Variants in PNPLA6 observed in about 807,000 individuals in gnomAD.
PNPLA6 encodes patatin like domain 6, lysophospholipase, also known as patatin-like phospholipase domain-containing protein 6.
A neutral mutation model predicts 153.7 loss-of-function variants in PNPLA6; 105 were observed. The observed-to-expected ratio is 0.68, with a 90% CI of 0.58 to 0.80. PNPLA6 has a LOEUF of 0.80. Among genes scored for constraint, PNPLA6 ranks in the 30% least tolerant of loss-of-function variants. The pLI, the probability that PNPLA6 is intolerant of heterozygous loss-of-function variation, is 0.00. For synonymous variants in PNPLA6, 825 were observed against 822.2 expected, an observed-to-expected ratio of 1.00 and a Z score of -0.06; for missense variants, 1,423 against 1,919.3, an observed-to-expected ratio of 0.74 and a Z score of 4.83.
At position 7,555,107 on chromosome 19, in the gene PNPLA6, G is replaced by C. The variant is rs1186635075; in HGVS notation, c.2817+32G>C. The stretch of plus-strand genomic sequence containing the variant: ...AGCGGGCCGGCCCCCACCTTCTAGG[G>C]GCGTGGCTGGTGGGCGAGGCTTGGG... On this transcript the variant is annotated intron_variant, in intron 22 of 31. Coordinates refer to ENST00000600737, the MANE Select transcript of PNPLA6 (RefSeq NM_001166114.2). The surrounding 1 kb of genome is among the most constrained non-coding windows in gnomAD (Gnocchi z 6.3). The C allele has an allele frequency of 6.3e-7, 1 of 1,584,930 alleles. No homozygotes were observed. Among genetic ancestry groups the C allele is most frequent in the Admixed American group, 1.7e-5 (1 of 57,630 alleles).
chr19:7,539,788 A>G (rs1599270946), intron 3 of PNPLA6, 130 bp from the exon 4 acceptor site: 1 of 497,084 alleles, frequency 2.0e-6, no homozygotes, highest in Non-Finnish European at 3.6e-6. Flanking sequence ...AAAGGTGGCC[A>G]GCCTGATTTG....
chr19:7,535,820 A>C lies in PNPLA6; in HGVS notation c.32A>C (p.Asn11Thr), dbSNP rs749218773. 2.0e-6 allele frequency: 3 copies of C among 1,536,594 alleles called. No homozygotes were observed. In the African/African-American group the frequency reaches 4.1e-5, roughly 21 times the overall value. ...ACATCGAGTCACGGGCTGGCTACGAACTCCTCGGGGGCGAAGGTGGCGGAG... is the reference window on the plus strand; with the variant it reads ...ACATCGAGTCACGGGCTGGCTACGACCTCCTCGGGGGCGAAGGTGGCGGAG... MGTSSHGLAT[N>T]SSGAKVAERD... Residue 11 changes from asparagine to threonine, a missense_variant, in exon 1 of 32, where the codon AAC becomes ACC. Coordinates refer to ENST00000600737, the MANE Select transcript of PNPLA6 (RefSeq NM_001166114.2). This position sits in a 1 kb window ranked among gnomAD's most constrained non-coding sequence, Gnocchi z 5.0.
intron 18 of PNPLA6, 45 bp downstream of exon 18, chr19:7,551,482 C>T (rs2146091821): frequency 6.7e-7 from 1 of 1,491,428 alleles, no homozygotes; most frequent in African/African-American, 1.4e-5. Flanking sequence ...TGTAGTCCGG[C>T]GTCCAGAGCA....
In PNPLA6 at chr19:7,541,698, C is replaced by G; in HGVS notation, c.1168+14C>G. 6.4e-7 allele frequency: 1 copy of G among 1,556,692 alleles called. No homozygotes were observed. The highest frequency in any genetic ancestry group is 8.7e-7 in the Non-Finnish European group (1 of 1,155,028). ...CTGGACCTACAGGTACCCAGGGACC[C>G]GAGGCCAGCCGAGCCCAATCTCCCA... On this transcript the variant is annotated intron_variant, in intron 9 of 31. Coordinates refer to ENST00000600737, the MANE Select transcript of PNPLA6 (RefSeq NM_001166114.2). The surrounding 1 kb of genome is among the most constrained non-coding windows in gnomAD (Gnocchi z 5.2).
rs184116473 is a variant in PNPLA6, at chr19:7,543,595, G to A, written c.1608+511G>A. Among the ~76,000 whole-genome samples the A allele has an allele frequency of 5.3e-5, 8 of 152,248 alleles. No homozygotes were observed. The East Asian group carries it at 1.5e-3, about 29-fold the overall frequency. On this transcript the variant is annotated intron_variant, in intron 13 of 31. Transcript: ENST00000600737. ...TGTCCACTGTCCATATGGGGAAACT[G>A]AGGCCCATCAAGGGTTAGTGACCCG...
rs1354212753 is a variant in PNPLA6 at position 7,553,958 on chromosome 19, G to A, written c.2344G>A (p.Ala782Thr). The change falls in exon 19 of 32, where the codon GCT becomes ACT. Residue 782 changes from alanine to threonine, a missense_variant. By Grantham distance (58) the Ala-to-Thr change is moderately conservative. Coordinates refer to ENST00000600737, the MANE Select transcript of PNPLA6 (RefSeq NM_001166114.2). ...AACTGTGGCAATCCTGCCTGTGTGT[G>A]CTGAGGTCCCCATGGTGGCCTTCAC... is the stretch of plus-strand genomic sequence containing the variant. ...LATVAILPVC[A>T]EVPMVAFTLE... 1.5e-5 allele frequency: 25 copies of A among 1,614,070 alleles called. No homozygotes were observed. The highest frequency in any genetic ancestry group is 2.0e-5 in the Non-Finnish European group (24 of 1,180,042).
Position 7,541,580 on chromosome 19 carries a change from T to C in PNPLA6, c.1064T>C (p.Val355Ala). The change falls in exon 9 of 32, where the codon GTG (valine) becomes GCG (alanine). Residue 355 changes from valine to alanine, a missense_variant. Coordinates refer to ENST00000600737, the MANE Select transcript of PNPLA6 (RefSeq NM_001166114.2). The surrounding 1 kb of genome is among the most constrained non-coding windows in gnomAD (Gnocchi z 5.2). ...SPGLPTRTSP[V>A]RGSKRMVSTS... Reference sequence around the variant, plus strand: ...GGCCTCCCAACTCGCACCAGCCCTGTGCGGGGCTCCAAGAGAATGGTCAGC... The same window carrying C: ...GGCCTCCCAACTCGCACCAGCCCTGCGCGGGGCTCCAAGAGAATGGTCAGC... 6.3e-7 allele frequency: 1 copy of C among 1,597,168 alleles called. No homozygotes were observed. Among genetic ancestry groups the C allele is most frequent in the East Asian group, 2.3e-5 (1 of 43,930 alleles).
At chr19:7,561,407 C>T in intron 31 of PNPLA6, 81 bp from the exon 32 acceptor site, 1 of 1,431,804 alleles carries the variant, frequency 7.0e-7, no homozygotes, top group South Asian at 1.2e-5. Context: ...TATTTGAGAT[C>T]CTGTGTGTGC....
intron 13 of PNPLA6, 43 bp from the exon 14 acceptor site, chr19:7,549,864 C>A: frequency 1.9e-6 from 3 of 1,588,384 alleles, no homozygotes; most frequent in Non-Finnish European, 2.6e-6. Flanking sequence ...CTGGGGTCCA[C>A]GCTGTCCGGG....
In PNPLA6 at chr19:7,536,237, C is replaced by G; in HGVS notation, c.279C>G (p.Asp93Glu). The change falls in exon 2 of 32, where the codon GAC becomes GAG. Residue 93 changes from aspartate (D) to glutamate (E), a missense_variant. Around this residue, in one of 10 missense-constraint regions of PNPLA6, gnomAD observed 74 missense variants for 171.3 expected, o/e 0.43. Coordinates refer to ENST00000600737, the MANE Select transcript of PNPLA6 (RefSeq NM_001166114.2). ...CCCGGTATCGGTTCCGGAAGAGGGA[C>G]AAAGTGCTCTTCTATGGCCGGAAGA... Reference protein sequence around the residue: ...DGPRYRFRKRDKVLFYGRKIM... With the variant: ...DGPRYRFRKREKVLFYGRKIM... 6.2e-7 allele frequency: 1 copy of G among 1,613,922 alleles called. No homozygotes were observed. The highest frequency in any genetic ancestry group is 8.5e-7 in the Non-Finnish European group (1 of 1,179,894).
intron 13 of PNPLA6, 94 bp from the exon 14 acceptor site, chr19:7,549,813 T>G: frequency 3.2e-6 from 4 of 1,252,660 alleles, no homozygotes; most frequent in Non-Finnish European, 4.6e-6. Context: ...AACCCTTCCT[T>G]TCTTCTTTAA....
chr19:7,549,277 C>T, intron 13 of PNPLA6, among the ~76,000 whole-genome samples: 1 of 146,176 alleles, frequency 6.8e-6, no homozygotes, highest in South Asian at 2.2e-4. Flanking sequence ...AGCTCCGCCT[C>T]CCGGTTTCAC....
At position 7,540,496 on chromosome 19, in the gene PNPLA6, C is replaced by T. The variant is rs1225471239; in HGVS notation, c.715-134C>T. 2 of 982,308 alleles carry T rather than the reference C, an allele frequency of 2.0e-6. No individual in the cohort carries two copies. The highest frequency in any genetic ancestry group is 3.2e-6 in the Non-Finnish European group (2 of 623,540). The allele number at this position is 982,308 out of a possible 1,614,324, so 60.8% of individuals were successfully genotyped here. A position where few individuals can be genotyped will look rare whatever the true frequency, so the allele number is the denominator to read the frequency against. On this transcript the variant is annotated intron_variant, in intron 5 of 31. Transcript: ENST00000600737. This position sits in a 1 kb window ranked among gnomAD's most constrained non-coding sequence, Gnocchi z 6.8. The stretch of plus-strand genomic sequence containing the variant: ...ACAAGTATTGAACGATGGGAGATGC[C>T]TGCTCGTTGGAAGGGTTGGTGGGTT...
chr19:7,559,785 A>G (rs2024026484), intron 28 of PNPLA6, among the ~76,000 whole-genome samples: 1 of 151,974 alleles, frequency 6.6e-6, no homozygotes, highest in Non-Finnish European at 1.5e-5. Context: ...TTGAAGCTGC[A>G]GTGAGCTATG....
intron 28 of PNPLA6, among the ~76,000 whole-genome samples, chr19:7,559,628 C>T (rs1190505215): frequency 6.6e-6 from 1 of 151,298 alleles, no homozygotes; most frequent in Non-Finnish European, 1.5e-5. Flanking sequence ...TGCTTGAAAC[C>T]AGGAGTTCAA....
upstream of PNPLA6, chr19:7,535,375 C>T (rs371435874): frequency 2.7e-6 from 2 of 728,870 alleles, no homozygotes; most frequent in African/African-American, 1.7e-5. This position sits in a 1 kb window ranked among gnomAD's most constrained non-coding sequence, Gnocchi z 5.0. Context: ...TCTAGCCTCG[C>T]CCCTGGCAGC....
intron 13 of PNPLA6, 98 bp downstream of exon 13, chr19:7,543,182 C>T: frequency 9.5e-7 from 1 of 1,052,554 alleles, no homozygotes; most frequent in Non-Finnish European, 1.5e-6. Context: ...AGACCAGCAC[C>T]TTCTCCCATA....
intron 26 of PNPLA6, chr19:7,556,955 C>T: frequency 1.4e-6 from 1 of 693,308 alleles, no homozygotes; most frequent in Non-Finnish European, 2.6e-6. Context: ...CCCCTCACGC[C>T]ATCCCCGCAG....
chr19:7,550,455 G>T (rs1313761785), intron 15 of PNPLA6, 26 bp downstream of exon 15: 1 of 1,611,982 alleles, frequency 6.2e-7, no homozygotes, highest in African/African-American at 1.3e-5. Flanking sequence ...CGCTGCTCAG[G>T]CCCGGCCTAG....
Sources: gnomAD v4.1 joint callset for allele counts (sites outside exome capture counted in the v4.1 genomes callset) on GRCh38, gnomAD v4.1.1 for gene constraint, gnomAD v4.1.1 regional missense constraint, Gnocchi (gnomAD v3.1) non-coding constraint, MANE v1.5 for transcripts, NCBI Gene and HGNC (gene_info 2026-07-23, HGNC 2026-07-21) for gene names.